Variants in INPP5F observed in about 807,000 individuals in gnomAD.
INPP5F encodes the protein inositol polyphosphate-5-phosphatase F, also known as phosphatidylinositide 4-phosphatase SAC2.
INPP5F carries 97 observed loss-of-function variants against 137.2 expected under a neutral mutation model. The ratio of observed to expected loss-of-function variants is 0.71; its 90% CI spans 0.60 to 0.84. INPP5F has a LOEUF of 0.84. Ranked by LOEUF, INPP5F falls within the 40% of genes least tolerant of loss-of-function variation. The pLI is 0.00. For missense variants in INPP5F, 1,271 were observed against 1,371.9 expected, an observed-to-expected ratio of 0.93 and a Z score of 1.16; for synonymous variants, 504 against 476.9, an observed-to-expected ratio of 1.06 and a Z score of -0.74.
chr10:119,810,700 CTCA>C (rs1454543068), intron 14 of INPP5F, among the ~76,000 whole-genome samples: 1 of 152,152 alleles, frequency 6.6e-6, no homozygotes, highest in Non-Finnish European at 1.5e-5. Context: ...CCCTAACCAA[CTCA>C]TCATTTTTTT....
At position 119,751,069 on chromosome 10, in the gene INPP5F, A is replaced by G. The variant is rs747795382; in HGVS notation, c.98-7A>G. On this transcript the variant is annotated splice_polypyrimidine_tract_variant and splice_region_variant and intron_variant, in intron 1 of 19. Transcript: ENST00000650623. ...TTTTCTCATCACTGCTTCCTATTTT[A>G]TTTTAGCTACTGATCTACTTCTTGC... 1.9e-6 allele frequency: 3 copies of G among 1,573,802 alleles called. No homozygotes were observed. The highest frequency in any genetic ancestry group is 2.6e-6 in the Non-Finnish European group (3 of 1,143,514).
chr10:119,726,475 C>T lies in INPP5F; in HGVS notation c.97+116C>T, dbSNP rs1847893837. On this transcript the variant is annotated intron_variant, in intron 1 of 19. Transcript: ENST00000650623. ...CGCCTGCGGGCCTGGTGAGGCGGGG[C>T]GGGGCGGGCTGCGAGCGCGCGAGCT... 3.5e-5 allele frequency: 16 copies of T among 455,840 alleles called. No homozygotes were observed. The East Asian group carries it at 7.9e-4, about 23-fold the overall frequency. 28.2% of individuals were successfully genotyped at this position (455,840 alleles called of 1,614,324 possible).
rs1329003218 is a variant in INPP5F, at chr10:119,829,044, C to CT, written c.*1267dup. 1 of 152,406 alleles carries CT rather than the reference C, an allele frequency of 6.6e-6. No individual in the cohort carries two copies. The highest frequency in any genetic ancestry group is 2.4e-5 in the African/African-American group (1 of 41,368). The allele number at this position is 152,406 out of a possible 1,614,324, so 9.4% of individuals were successfully genotyped here. ...TTCTCAACTGAACATTATGTCGTTA[C>CT]TTTGATAAGCATTCCACTTTTGTTA... On this transcript the variant is annotated 3_prime_UTR_variant, in exon 20 of 20. Transcript: ENST00000650623.
rs562407401 is a variant in INPP5F, at chr10:119,826,035, A to G, written c.2250-596A>G. 49 of 398,564 alleles carry G rather than the reference A, an allele frequency of 1.2e-4. 1 individual carries two copies. The South Asian group carries it at 5.7e-3, about 47-fold the overall frequency. 24.7% of individuals were successfully genotyped at this position (398,564 alleles called of 1,614,324 possible). A position where few individuals can be genotyped will look rare whatever the true frequency, so the allele number is the denominator to read the frequency against. The stretch of plus-strand genomic sequence containing the variant: ...TAAAATCAGGTAACCCACAGGACAT[A>G]TAAGAAAATGGAAGTCTTACTCCTG... On this transcript the variant is annotated intron_variant, in intron 19 of 19. Coordinates refer to ENST00000650623, the MANE Select transcript of INPP5F (RefSeq NM_014937.4).
chr10:119,800,567 A>AC (rs920576228), intron 9 of INPP5F, among the ~76,000 whole-genome samples: 16 of 151,430 alleles, frequency 1.1e-4, no homozygotes, highest in African/African-American at 3.6e-4. Flanking sequence ...AAAAAAAAAA[A>AC]CAAAAACCAA....
At chr10:119,745,158 CT>C (rs1848493816) in intron 1 of INPP5F, among the ~76,000 whole-genome samples, 1 of 152,014 alleles carries the variant, frequency 6.6e-6, no homozygotes, top group African/African-American at 2.4e-5. Context: ...CCCTCTTGTT[CT>C]TTCCCATTCA....
intron 2 of INPP5F, among the ~76,000 whole-genome samples, chr10:119,753,981 C>G (rs964498060): frequency 6.6e-6 from 1 of 152,184 alleles, no homozygotes. Context: ...TTATTCTTCT[C>G]TCTTTTTGGC....
At chr10:119,799,323 G>C (rs1380093968) in intron 9 of INPP5F, 1 of 446,676 alleles carries the variant, frequency 2.2e-6, no homozygotes, top group Non-Finnish European at 4.5e-6. Context: ...CAAAAATGAA[G>C]TAGGAAGAAA....
At chr10:119,795,989 A>C (rs1020123454) in intron 6 of INPP5F, among the ~76,000 whole-genome samples, 10 of 150,758 alleles carry the variant, frequency 6.6e-5, no homozygotes, top group Non-Finnish European at 1.2e-4. Flanking sequence ...GAGGCAGGAG[A>C]ATCAGGCAGG....
chr10:119,785,212 T>C (rs543624711), intron 3 of INPP5F, among the ~76,000 whole-genome samples: 1 of 151,940 alleles, frequency 6.6e-6, no homozygotes, highest in Admixed American at 6.6e-5. Context: ...TAATCTCTCT[T>C]GGGTGTGTAC....
At chr10:119,822,832 A>C (rs947784591) in intron 17 of INPP5F, among the ~76,000 whole-genome samples, 2 of 152,340 alleles carry the variant, frequency 1.3e-5, no homozygotes, top group Middle Eastern at 3.4e-3. Flanking sequence ...GTCTTATCAT[A>C]ATAACTGTGT....
intron 2 of INPP5F, among the ~76,000 whole-genome samples, chr10:119,757,067 C>CTTTA (rs10642582): frequency 0.41 from 61,544 of 149,742 alleles, 12,814 homozygotes; most frequent in African/African-American, 0.47. Context: ...GATTTCTTTA[C>CTTTA]TTTATTTATT....
chr10:119,801,291 C>T (rs978178746), intron 9 of INPP5F, among the ~76,000 whole-genome samples: 1 of 152,010 alleles, frequency 6.6e-6, no homozygotes, highest in Non-Finnish European at 1.5e-5. Context: ...TTAAAAAATC[C>T]CACAAAACAA....
Position 119,751,129 on chromosome 10 carries a change from G to T in INPP5F, c.151G>T (p.Val51Phe), listed in dbSNP as rs1438833809. ...NPICLGLVEGVIGKIQLHSDL... is the reference protein window; with the variant it reads ...NPICLGLVEGFIGKIQLHSDL... ...CATTTGTTTGGGGTTGGTAGAAGGTGTTATTGGGAAAATTCAACTTCATTC... is the reference window on the plus strand; with the variant it reads ...CATTTGTTTGGGGTTGGTAGAAGGTTTTATTGGGAAAATTCAACTTCATTC... Residue 51 changes from valine (V) to phenylalanine (F), a missense_variant, in exon 2 of 20, where the codon GTT (valine) becomes TTT (phenylalanine). Val to Phe is a conservative substitution (Grantham distance 50, BLOSUM62 -1). This residue lies in a region of INPP5F where 109 missense variants were observed against 105.1 expected (regional missense o/e 1.04). Transcript: ENST00000650623. 6.2e-7 allele frequency: 1 copy of T among 1,610,352 alleles called. No homozygotes were observed. Among genetic ancestry groups the T allele is most frequent in the Non-Finnish European group, 8.5e-7 (1 of 1,176,642 alleles).
chr10:119,817,076 A>G (rs1851308780), intron 15 of INPP5F, among the ~76,000 whole-genome samples: 1 of 152,182 alleles, frequency 6.6e-6, no homozygotes, highest in Admixed American at 6.5e-5. Flanking sequence ...CATTTCATTC[A>G]AGTGGAATAA....
At chr10:119,820,694 CATCTAACT>C in intron 15 of INPP5F, 144 bp from the exon 16 acceptor site, 1 of 599,196 alleles carries the variant, frequency 1.7e-6, no homozygotes. Flanking sequence ...GATTGTATTA[CATCTAACT>C]GCAGTAGAAC....
intron 1 of INPP5F, among the ~76,000 whole-genome samples, chr10:119,743,552 C>G (rs1182048065): frequency 1.3e-5 from 2 of 149,928 alleles, no homozygotes; most frequent in African/African-American, 4.9e-5. Flanking sequence ...GACCCTTGTT[C>G]TAAGTCTAGA....
intron 1 of INPP5F, among the ~76,000 whole-genome samples, chr10:119,732,979 G>A (rs1265980704): frequency 6.6e-6 from 1 of 152,200 alleles, no homozygotes. Flanking sequence ...TTCACAGAGG[G>A]AGAGCCAGGC....
intron 2 of INPP5F, among the ~76,000 whole-genome samples, chr10:119,751,788 T>C (rs1279613623): frequency 6.6e-6 from 1 of 152,202 alleles, no homozygotes; most frequent in Non-Finnish European, 1.5e-5. Flanking sequence ...TTTGGTGCCT[T>C]ACCCTTCAGG....
Sources: allele counts gnomAD v4.1 joint callset (sites outside exome capture counted in the v4.1 genomes callset), GRCh38; gene constraint gnomAD v4.1.1; regional missense constraint gnomAD v4.1.1; transcripts MANE v1.5; gene names NCBI Gene and HGNC (gene_info 2026-07-23, HGNC 2026-07-21).